FMNL2: variants seen among roughly 807,000 people sequenced by gnomAD.
FMNL2 encodes formin like 2.
Under a neutral mutation model 130.2 loss-of-function variants are expected in FMNL2, and 51 were observed. The ratio of observed to expected loss-of-function variants is 0.39; its 90% CI spans 0.31 to 0.49. FMNL2 has a LOEUF of 0.49. FMNL2 is among the 20% of genes least tolerant of loss of function. FMNL2 has a pLI of 0.85. For missense variants in FMNL2, 977 were observed against 1,316.2 expected (o/e 0.74, Z 3.99); for synonymous variants, 465 against 467.1 (o/e 1.00, Z 0.06).
intron 1 of FMNL2, among the ~76,000 whole-genome samples, chr2:152,434,370 G>T (rs1687639500): frequency 6.6e-6 from 1 of 152,182 alleles, no homozygotes; most frequent in Non-Finnish European, 1.5e-5. Flanking sequence ...TTTGAAAACT[G>T]TGTTTGGGGT....
At chr2:152,336,942 T>G (rs1056088593) in intron 1 of FMNL2, among the ~76,000 whole-genome samples, 18 of 152,152 alleles carry the variant, frequency 1.2e-4, no homozygotes, top group African/African-American at 4.3e-4. Flanking sequence ...GAGTTCTAGA[T>G]CAAAAATCGG....
intron 1 of FMNL2, among the ~76,000 whole-genome samples, chr2:152,393,170 C>T (rs1379761228): frequency 1.3e-5 from 2 of 152,148 alleles, no homozygotes; most frequent in Admixed American, 6.5e-5. Context: ...ATGTAAGACA[C>T]TGTTAATTAA....
In FMNL2 at chr2:152,636,546, G is replaced by T; in HGVS notation, c.2800G>T (p.Glu934Ter). The T allele has an allele frequency of 1.3e-6, 2 of 1,582,698 alleles. No individual in the cohort carries two copies. Among genetic ancestry groups the T allele is most frequent in the Non-Finnish European group, 1.7e-6 (2 of 1,163,218 alleles). The change falls in exon 22 of 26, where the codon GAG becomes TAG. Residue 934 changes from glutamate to a stop codon, truncating the protein, a stop_gained. Coordinates refer to ENST00000288670, the MANE Select transcript of FMNL2 (RefSeq NM_052905.4). LOFTEE classifies it high-confidence loss of function. ...TLLKEFILNN[E>*]GKLKKLQDDA... ...GCTGAAGGAGTTCATCCTCAACAAT[G>T]AGGGGAAGCTGAAGAAGCTGCAGGA...
At chr2:152,581,155 A>C (rs918969827) in intron 9 of FMNL2, 106 bp downstream of exon 9, 3 of 916,340 alleles carry the variant, frequency 3.3e-6, no homozygotes, top group Middle Eastern at 2.4e-4. Context: ...TAAGGAATAT[A>C]ATAGTTAATT....
At chr2:152,515,545 A>G (rs950377887) in intron 1 of FMNL2, among the ~76,000 whole-genome samples, 2 of 152,156 alleles carry the variant, frequency 1.3e-5, no homozygotes, top group Non-Finnish European at 2.9e-5. Flanking sequence ...GTGTCTGGTT[A>G]TTTAAGTGGA....
intron 1 of FMNL2, among the ~76,000 whole-genome samples, chr2:152,389,745 C>T (rs570168258): frequency 2.0e-5 from 3 of 152,268 alleles, no homozygotes; most frequent in East Asian, 3.9e-4. Flanking sequence ...AGCACGAGGG[C>T]GGCGTGCAGG....
In FMNL2 at chr2:152,637,279, G is replaced by C. The variant is rs911750529; in HGVS notation, c.2845-294G>C. Among the ~76,000 whole-genome samples the C allele has an allele frequency of 3.9e-5, 6 of 152,208 alleles. No individual in the cohort carries two copies. In the East Asian group the frequency reaches 1.2e-3, roughly 29 times the overall value. ...CCTGTAAGAAAGATTTCCTTGTTTT[G>C]TATGTGGGGTGTGTGCGTGTGCATG... On this transcript the variant is annotated intron_variant, in intron 22 of 25. Coordinates refer to ENST00000288670, the MANE Select transcript of FMNL2 (RefSeq NM_052905.4).
intron 1 of FMNL2, among the ~76,000 whole-genome samples, chr2:152,344,635 G>T (rs1004593022): frequency 6.6e-6 from 1 of 152,114 alleles, no homozygotes; most frequent in African/African-American, 2.4e-5. Flanking sequence ...TATACATATG[G>T]TGTAAGATTA....
intron 2 of FMNL2, among the ~76,000 whole-genome samples, chr2:152,526,225 G>C (rs1363530848): frequency 6.6e-6 from 1 of 152,174 alleles, no homozygotes; most frequent in Non-Finnish European, 1.5e-5. Context: ...TGGAGCACCA[G>C]GGGTGCTAAA....
At chr2:152,373,212 G>A (rs1683981452) in intron 1 of FMNL2, among the ~76,000 whole-genome samples, 1 of 152,110 alleles carries the variant, frequency 6.6e-6, no homozygotes, top group South Asian at 2.1e-4. Flanking sequence ...ACTATTCAAG[G>A]TTAATTCTTT....
chr2:152,560,967 C>T lies in FMNL2; in HGVS notation c.528C>T (p.His176=), dbSNP rs770974168. The stretch of plus-strand genomic sequence containing the variant: ...GGAGTAGGTCCATCGAGGACCTGCA[C>T]AGAGGGAGCAACCTGCCCTCACCTG... ...KPWSRSIEDL[H]RGSNLPSPVG... The change falls in exon 6 of 26, where the codon CAC becomes CAT. Residue 176 remains histidine (H), a synonymous_variant. Transcript: ENST00000288670. 3 of 1,608,194 alleles carry T rather than the reference C, an allele frequency of 1.9e-6. No individual in the cohort carries two copies. The highest frequency in any genetic ancestry group is 2.2e-5 in the South Asian group (2 of 89,980).
At chr2:152,482,987 C>T in intron 1 of FMNL2, among the ~76,000 whole-genome samples, 1 of 152,098 alleles carries the variant, frequency 6.6e-6, no homozygotes, top group East Asian at 1.9e-4. Context: ...ATTACAGGCT[C>T]ACTGGGGGCA....
chr2:152,349,350 A>G (rs1026217169), intron 1 of FMNL2, among the ~76,000 whole-genome samples: 2 of 152,160 alleles, frequency 1.3e-5, no homozygotes, highest in Admixed American at 1.3e-4. Context: ...CAACTTTTCC[A>G]GGGAGGTATT....
chr2:152,457,408 G>A (rs1474271299), intron 1 of FMNL2, among the ~76,000 whole-genome samples: 1 of 152,200 alleles, frequency 6.6e-6, no homozygotes, highest in Non-Finnish European at 1.5e-5. Flanking sequence ...GGCTGGGAGA[G>A]AAGTCTTTGA....
intron 1 of FMNL2, among the ~76,000 whole-genome samples, chr2:152,391,908 GTT>G (rs10584642): frequency 0.16 from 17,457 of 111,144 alleles, 1,442 homozygotes; most frequent in East Asian, 0.24. Context: ...GCTAGAAGTT[GTT>G]TTTTTTTTTT....
At chr2:152,515,477 T>G (rs1692717155) in intron 1 of FMNL2, among the ~76,000 whole-genome samples, 1 of 152,238 alleles carries the variant, frequency 6.6e-6, no homozygotes, top group African/African-American at 2.4e-5. Flanking sequence ...AATGCCAGTA[T>G]CTTATATGAA....
intron 1 of FMNL2, among the ~76,000 whole-genome samples, chr2:152,480,841 C>T (rs1467514574): frequency 2.0e-5 from 3 of 152,098 alleles, no homozygotes; most frequent in Admixed American, 1.3e-4. Context: ...GTGCACTGTT[C>T]ATTTTTCCAG....
intron 1 of FMNL2, among the ~76,000 whole-genome samples, chr2:152,408,859 A>G (rs568663395): frequency 3.9e-5 from 6 of 152,338 alleles, no homozygotes; most frequent in South Asian, 4.1e-4. Context: ...TACTGAATAT[A>G]TATCGCTTTT....
At chr2:152,563,527 G>A (rs2105614313) in intron 6 of FMNL2, among the ~76,000 whole-genome samples, 1 of 152,158 alleles carries the variant, frequency 6.6e-6, no homozygotes, top group East Asian at 1.9e-4. Context: ...TTTGGTCATT[G>A]GATATAGCAT....
Sources: allele counts gnomAD v4.1 joint callset (sites outside exome capture counted in the v4.1 genomes callset), GRCh38; gene constraint gnomAD v4.1.1; transcripts MANE v1.5; gene names NCBI Gene and HGNC (gene_info 2026-07-23, HGNC 2026-07-21).